The following MAPK10 variants were observed in gnomAD, a reference collection of about 807,000 sequenced individuals.
The protein encoded by MAPK10 is JNK3 alpha protein kinase.
A neutral mutation model predicts 59.3 loss-of-function variants in MAPK10; 25 were observed. The observed-to-expected ratio is 0.42, with a 90% CI of 0.31 to 0.59. The LOEUF (loss-of-function observed/expected upper bound fraction) is 0.59, where lower values mean the gene tolerates loss of function less well. Ranked by LOEUF, MAPK10 falls within the 20% of genes least tolerant of loss-of-function variation. The probability of loss-of-function intolerance (pLI) is 0.15; values close to 1 mark genes in which losing one functional copy is unlikely to be tolerated. For missense variants in MAPK10, 351 were observed against 568.9 expected (o/e 0.62, Z 3.90); for synonymous variants, 190 against 200.5 (o/e 0.95, Z 0.44).
chr4:86,299,568 G>A (rs2095430803), intron 2 of MAPK10, among the ~76,000 whole-genome samples: 2 of 152,154 alleles, frequency 1.3e-5, no homozygotes, highest in African/African-American at 4.8e-5. Flanking sequence ...ACTAAACTGT[G>A]AGAAATAAAT....
At chr4:86,467,647 G>A (rs539939840) in intron 1 of MAPK10, among the ~76,000 whole-genome samples, 7 of 152,256 alleles carry the variant, frequency 4.6e-5, no homozygotes, top group South Asian at 4.2e-4. Context: ...AGCCTCCTGA[G>A]TAGCTGGGAT....
intron 2 of MAPK10, among the ~76,000 whole-genome samples, chr4:86,211,362 T>C (rs374559657): frequency 6.6e-6 from 1 of 152,022 alleles, no homozygotes; most frequent in South Asian, 2.1e-4. Context: ...TACAAGAGAT[T>C]CTTAATAAGA....
chr4:86,130,093 G>A (rs957569313), intron 4 of MAPK10, among the ~76,000 whole-genome samples: 3 of 151,962 alleles, frequency 2.0e-5, no homozygotes, highest in Non-Finnish European at 4.4e-5. Flanking sequence ...TTTTTCTTTT[G>A]ACTAAGTGCT....
rs1342852403 is a variant in MAPK10, at chr4:86,064,279, G to C, written c.1097C>G (p.Ala366Gly). ...HPYINVWYDP[A>G]EVEAPPPQIY... ...CCTATTTCTTACCGCCTCCACTTCGGCTGGGTCATACCAGACGTTGATGTA... is the reference window on the plus strand; with the variant it reads ...CCTATTTCTTACCGCCTCCACTTCGCCTGGGTCATACCAGACGTTGATGTA... Residue 366 changes from alanine to glycine, a missense_variant, in exon 11 of 14, where the codon GCC becomes GGC. This residue lies in a region of MAPK10 where 155 missense variants were observed against 204.2 expected (regional missense o/e 0.76). Transcript: ENST00000641462. 1 of 1,614,036 alleles carries C rather than the reference G, an allele frequency of 6.2e-7. No individual in the cohort carries two copies. Among genetic ancestry groups the C allele is most frequent in the Non-Finnish European group, 8.5e-7 (1 of 1,179,978 alleles).
intron 2 of MAPK10, among the ~76,000 whole-genome samples, chr4:86,280,270 C>T (rs2094746736): frequency 6.6e-6 from 1 of 151,950 alleles, no homozygotes; most frequent in Non-Finnish European, 1.5e-5. Context: ...AACAAATAAC[C>T]CCATGAAAAA....
intron 2 of MAPK10, among the ~76,000 whole-genome samples, chr4:86,215,155 TG>T (rs1458192785): frequency 6.6e-6 from 1 of 152,188 alleles, no homozygotes; most frequent in Non-Finnish European, 1.5e-5. Context: ...GACCATCCAA[TG>T]GTGAAAGGAC....
chr4:86,584,604 T>G (rs528461074), intron 1 of MAPK10, among the ~76,000 whole-genome samples: 1 of 152,216 alleles, frequency 6.6e-6, no homozygotes, highest in South Asian at 2.1e-4. Flanking sequence ...CCACTACACC[T>G]GACTAATTTT....
chr4:86,474,318 G>C (rs1007439714), intron 1 of MAPK10, among the ~76,000 whole-genome samples: 1 of 152,090 alleles, frequency 6.6e-6, no homozygotes, highest in Non-Finnish European at 1.5e-5. Context: ...TATTAATATA[G>C]CTTGTATATA....
At chr4:86,360,100 C>A (rs1451941825), upstream of MAPK10, 1 of 985,672 alleles carries the variant, frequency 1.0e-6, no homozygotes, top group Non-Finnish European at 1.2e-6. Flanking sequence ...AATGGGGTTG[C>A]TATGGCAACC....
intron 1 of MAPK10, among the ~76,000 whole-genome samples, chr4:86,435,213 G>T (rs1362239753): frequency 6.6e-6 from 1 of 152,140 alleles, no homozygotes; most frequent in Non-Finnish European, 1.5e-5. Flanking sequence ...TGGCAAAGAT[G>T]AGGCCAGGCG....
chr4:86,496,111 C>A (rs919439825), intron 1 of MAPK10, among the ~76,000 whole-genome samples: 1 of 152,058 alleles, frequency 6.6e-6, no homozygotes, highest in Non-Finnish European at 1.5e-5. Flanking sequence ...TTCAAAAAAG[C>A]CCAAATGCTA....
chr4:86,458,254 T>C (rs1751411368), intron 1 of MAPK10, among the ~76,000 whole-genome samples: 1 of 150,304 alleles, frequency 6.7e-6, no homozygotes, highest in Non-Finnish European at 1.5e-5. Flanking sequence ...GAGCCAAGAT[T>C]GCACCACTGC....
chr4:86,263,984 T>C (rs924992345), intron 2 of MAPK10, among the ~76,000 whole-genome samples: 5 of 152,212 alleles, frequency 3.3e-5, no homozygotes, highest in African/African-American at 1.2e-4. Flanking sequence ...ATTTCTCTCA[T>C]ATGAATTCAC....
At chr4:86,430,800 A>C (rs1747943519) in intron 1 of MAPK10, among the ~76,000 whole-genome samples, 1 of 152,198 alleles carries the variant, frequency 6.6e-6, no homozygotes, top group Non-Finnish European at 1.5e-5. Context: ...AGTGGCTGCA[A>C]ACGAGGCTAC....
intron 1 of MAPK10, among the ~76,000 whole-genome samples, chr4:86,496,665 A>AC: frequency 6.6e-6 from 1 of 152,298 alleles, no homozygotes; most frequent in African/African-American, 2.4e-5. Context: ...AGAATGCAGT[A>AC]CCCCAACTCC....
chr4:86,138,600 G>A (rs2062811229), intron 4 of MAPK10, among the ~76,000 whole-genome samples: 1 of 139,750 alleles, frequency 7.2e-6, no homozygotes, highest in African/African-American at 2.6e-5. Context: ...GCAAAAACTG[G>A]AAGCATTCCC....
chr4:86,067,834 G>A lies in MAPK10; in HGVS notation c.924C>T (p.Thr308=), dbSNP rs768443916. The A allele has an allele frequency of 6.2e-7, 1 of 1,614,012 alleles. No individual in the cohort carries two copies. The highest frequency in any genetic ancestry group is 1.1e-5 in the South Asian group (1 of 91,066). ...VENRPKYAGL[T]FPKLFPDSLF... ...GGGAATCTGGGAAGAGTTTGGGGAAGGTGAGTCCCGCATACTTGGGCCGAT... is the reference window on the plus strand; with the variant it reads ...GGGAATCTGGGAAGAGTTTGGGGAAAGTGAGTCCCGCATACTTGGGCCGAT... Residue 308 remains threonine (T), a synonymous_variant, in exon 10 of 14, where the codon ACC becomes ACT. Coordinates refer to ENST00000641462, the MANE Select transcript of MAPK10 (RefSeq NM_138982.4).
chr4:86,131,660 T>C (rs1464660383), intron 4 of MAPK10, among the ~76,000 whole-genome samples: 1 of 152,212 alleles, frequency 6.6e-6, no homozygotes, highest in East Asian at 1.9e-4. Flanking sequence ...AATTAGTCAA[T>C]TGTTTCAGCA....
chr4:86,469,903 T>G (rs1752524136), intron 1 of MAPK10, among the ~76,000 whole-genome samples: 1 of 152,202 alleles, frequency 6.6e-6, no homozygotes, highest in Admixed American at 6.5e-5. Flanking sequence ...GACTGAGAAT[T>G]GCATAGGGCA....
Sources: allele counts gnomAD v4.1 joint callset (sites outside exome capture counted in the v4.1 genomes callset), GRCh38; gene constraint gnomAD v4.1.1; regional missense constraint gnomAD v4.1.1; transcripts MANE v1.5; gene names NCBI Gene and HGNC (gene_info 2026-07-23, HGNC 2026-07-21).